ALS2: variants seen among roughly 807,000 people sequenced by gnomAD.
The protein encoded by ALS2 is alsin.
ALS2 carries 117 observed loss-of-function variants against 203.4 expected under a neutral mutation model. The ratio of observed to expected loss-of-function variants is 0.58; its 90% CI spans 0.50 to 0.67. ALS2 has a LOEUF of 0.67. Ranked by LOEUF, ALS2 falls within the 30% of genes least tolerant of loss-of-function variation. The pLI is 0.00. For missense variants in ALS2, 1,715 were observed against 1,989.4 expected (o/e 0.86, Z 2.62); for synonymous variants, 718 against 725.9 (o/e 0.99, Z 0.17).
chr2:201,726,057 T>G (rs1048659624), intron 19 of ALS2, among the ~76,000 whole-genome samples: 1 of 152,212 alleles, frequency 6.6e-6, no homozygotes, highest in Non-Finnish European at 1.5e-5. Context: ...TGAGATAATA[T>G]AGCACTTGGA....
intron 10 of ALS2, 72 bp from the exon 11 acceptor site, chr2:201,741,926 T>G: frequency 7.6e-7 from 1 of 1,323,018 alleles, no homozygotes; most frequent in Non-Finnish European, 1.1e-6. Context: ...GTGATTATGA[T>G]TATGAATTCC....
Position 201,706,931 on chromosome 2 carries a change from G to A in ALS2, c.4495C>T (p.Arg1499Cys), listed in dbSNP as rs112869526. ...CATTCCCAGTAAATGTCTTCCTCGC[G>A]ATCATTATCCAAAGCATAAAGCATA... ...LFMLYALDND[R>C]EEDIYWECVL... Residue 1499 changes from arginine (R) to cysteine (C), a missense_variant, in exon 29 of 34, where the codon CGC becomes TGC. Arg to Cys is a radical substitution (Grantham distance 180, BLOSUM62 -3). Around this residue, in one of 3 missense-constraint regions of ALS2, gnomAD observed 1,227 missense variants for 1,413.5 expected, o/e 0.87. Coordinates refer to ENST00000264276, the MANE Select transcript of ALS2 (RefSeq NM_020919.4). The A allele has an allele frequency of 3.5e-5, 56 of 1,613,864 alleles. No individual in the cohort carries two copies. The highest frequency in any genetic ancestry group is 5.3e-5 in the African/African-American group (4 of 74,866).
chr2:201,753,487 T>G (rs1693194442), intron 6 of ALS2, among the ~76,000 whole-genome samples: 1 of 152,194 alleles, frequency 6.6e-6, no homozygotes, highest in Non-Finnish European at 1.5e-5. Context: ...ATCATAAAAC[T>G]ACAAATGATT....
chr2:201,729,369 A>G (rs1691402422), intron 13 of ALS2, among the ~76,000 whole-genome samples, 186 bp from the exon 14 acceptor site: 1 of 152,148 alleles, frequency 6.6e-6, no homozygotes, highest in African/African-American at 2.4e-5. Flanking sequence ...TCTACTACAT[A>G]AAAGTACATA....
Position 201,704,475 on chromosome 2 carries a change from A to C in ALS2, c.4817T>G (p.Leu1606Ter). The change falls in exon 32 of 34, where the codon TTA becomes TGA. Residue 1606 changes from leucine (L) to a stop codon, truncating the protein, a stop_gained. Transcript: ENST00000264276. LOFTEE classifies it high-confidence loss of function. ...TTACCTGGCCCGTAGCACCACATAT[A>C]AGAAAACAGGAAACAAGTCATCCAT... is the stretch of plus-strand genomic sequence containing the variant. ...WSMDDLFPVF[L>*]YVVLRARIRN... The C allele has an allele frequency of 6.2e-7, 1 of 1,614,124 alleles. No homozygotes were observed. Among genetic ancestry groups the C allele is most frequent in the Non-Finnish European group, 8.5e-7 (1 of 1,180,010 alleles).
At chr2:201,761,849 A>T (rs1370013987) in intron 3 of ALS2, 31 bp from the exon 4 acceptor site, 1 of 1,610,544 alleles carries the variant, frequency 6.2e-7, no homozygotes, top group Middle Eastern at 1.7e-4. Flanking sequence ...AAAAGAAAAA[A>T]AAAAGGGTTA....
chr2:201,759,962 G>A, intron 4 of ALS2: 1 of 983,484 alleles, frequency 1.0e-6, no homozygotes, highest in East Asian at 1.1e-4. Context: ...ACTTTACCAT[G>A]TGCTACTGAT....
At chr2:201,718,563 C>T (rs1051835430) in intron 23 of ALS2, among the ~76,000 whole-genome samples, 1 of 152,026 alleles carries the variant, frequency 6.6e-6, no homozygotes. Flanking sequence ...GCCCAGCCCT[C>T]AATTTTTAAA....
At position 201,710,026 on chromosome 2, in the gene ALS2, G is replaced by T. The variant is rs769034098; in HGVS notation, c.4135C>A (p.Pro1379Thr). The T allele has an allele frequency of 1.8e-5, 29 of 1,613,902 alleles. No individual in the cohort carries two copies. The highest frequency in any genetic ancestry group is 2.4e-5 in the Non-Finnish European group (28 of 1,179,818). ...ACAAGCCTGCCCAGGGGGTGCAGAG[G>T]AGTGTCACAGGCCTGAGTAGGAAAA... ...RKYLIKACDTPLHPLGRLVET... is the reference protein window; with the variant it reads ...RKYLIKACDTTLHPLGRLVET... The change falls in exon 27 of 34, where the codon CCT becomes ACT. Residue 1379 changes from proline to threonine, a missense_variant. Around this residue, in one of 3 missense-constraint regions of ALS2, gnomAD observed 1,227 missense variants for 1,413.5 expected, o/e 0.87. Coordinates refer to ENST00000264276, the MANE Select transcript of ALS2 (RefSeq NM_020919.4).
chr2:201,741,603 G>C lies in ALS2; in HGVS notation c.2351+71C>G, dbSNP rs761316826. 1.0e-5 allele frequency: 15 copies of C among 1,478,766 alleles called. No individual in the cohort carries two copies. The African/African-American group carries it at 1.8e-4, about 18-fold the overall frequency. The allele number at this position is 1,478,766 out of a possible 1,614,324, so 91.6% of individuals were successfully genotyped here. ...CACTCTCCCTAATCTAGTCTCTTCT[G>C]ATTAAGGAGCTGTTCTCCTTGGCAG... is the stretch of plus-strand genomic sequence containing the variant. On this transcript the variant is annotated intron_variant, in intron 11 of 33. Coordinates refer to ENST00000264276, the MANE Select transcript of ALS2 (RefSeq NM_020919.4).
At chr2:201,757,875 A>G (rs1355392981) in intron 4 of ALS2, 116 bp from the exon 5 acceptor site, 1 of 792,900 alleles carries the variant, frequency 1.3e-6, no homozygotes, top group Non-Finnish European at 2.0e-6. Context: ...CTAAAACGAC[A>G]GAAGTTCTCT....
In ALS2 at chr2:201,707,083, C is replaced by G. The variant is rs368002901; in HGVS notation, c.4404-61G>C. ...TTCATATTAAAATTGAATACAGAAT[C>G]CAAGGTAGAGCTTCAGTTTCAAAAA... On this transcript the variant is annotated intron_variant, in intron 28 of 33. Coordinates refer to ENST00000264276, the MANE Select transcript of ALS2 (RefSeq NM_020919.4). 4.4e-5 allele frequency: 66 copies of G among 1,490,754 alleles called. 2 individuals are homozygous for G. In the African/African-American group the frequency reaches 6.8e-4, roughly 15 times the overall value. The allele number at this position is 1,490,754 out of a possible 1,614,324, so 92.3% of individuals were successfully genotyped here.
At chr2:201,711,244 G>A in intron 25 of ALS2, 136 bp from the exon 26 acceptor site, 1 of 646,458 alleles carries the variant, frequency 1.5e-6, no homozygotes, top group Non-Finnish European at 2.8e-6. Flanking sequence ...AACGAACTCA[G>A]AAATCATCAC....
chr2:201,775,760 G>C (rs1694627961), intron 1 of ALS2, among the ~76,000 whole-genome samples: 1 of 152,084 alleles, frequency 6.6e-6, no homozygotes, highest in African/African-American at 2.4e-5. Flanking sequence ...TTCAAATCTT[G>C]ACTCAGAGTA....
In ALS2 at chr2:201,707,809, T is replaced by C. The variant is rs543271542; in HGVS notation, c.4403+60A>G. 60 of 1,594,280 alleles carry C rather than the reference T, an allele frequency of 3.8e-5. No homozygotes were observed. The South Asian group carries it at 6.6e-4, about 18-fold the overall frequency. On this transcript the variant is annotated intron_variant, in intron 28 of 33. Transcript: ENST00000264276. Reference sequence around the variant, plus strand: ...AACACACTTTCTCGCTGGGACTCTTTGAGTAAGATCATCTAGTCACCATTC... The same window carrying C: ...AACACACTTTCTCGCTGGGACTCTTCGAGTAAGATCATCTAGTCACCATTC...
At chr2:201,719,968 A>G (rs2105991107) in intron 23 of ALS2, 1 of 243,162 alleles carries the variant, frequency 4.1e-6, no homozygotes, top group East Asian at 1.6e-4. Flanking sequence ...CTGAGTTAGA[A>G]ATTAAAAATT....
Position 201,701,611 on chromosome 2 carries a change from C to G in ALS2, c.*240G>C, listed in dbSNP as rs1689392380. The G allele has an allele frequency of 4.3e-6, 2 of 460,964 alleles. No individual in the cohort carries two copies. The highest frequency in any genetic ancestry group is 7.2e-5 in the Admixed American group (2 of 27,744). The allele number at this position is 460,964 out of a possible 1,614,324, so 28.6% of individuals were successfully genotyped here. A position where few individuals can be genotyped will look rare whatever the true frequency, so the allele number is the denominator to read the frequency against. ...GATAAATGGTATTTTTGGAACTTAT[C>G]ATAGGCCAAGAACTGGTCTAATCTG... is the stretch of plus-strand genomic sequence containing the variant. On this transcript the variant is annotated 3_prime_UTR_variant, in exon 34 of 34. Transcript: ENST00000264276.
intron 25 of ALS2, among the ~76,000 whole-genome samples, chr2:201,715,072 C>T (rs1251757186): frequency 1.3e-5 from 2 of 152,244 alleles, no homozygotes; most frequent in Non-Finnish European, 2.9e-5. Context: ...TAAGGAGCCA[C>T]CAAAGGGGGA....
At position 201,725,417 on chromosome 2, in the gene ALS2, T is replaced by C; in HGVS notation, c.3286A>G (p.Lys1096Glu). 1.2e-6 allele frequency: 2 copies of C among 1,614,134 alleles called. No individual in the cohort carries two copies. Among genetic ancestry groups the C allele is most frequent in the Non-Finnish European group, 1.7e-6 (2 of 1,180,006 alleles). Residue 1096 changes from lysine to glutamate, a missense_variant, in exon 20 of 34, where the codon AAA becomes GAA. By Grantham distance (56) the Lys-to-Glu change is moderately conservative. Around this residue, in one of 3 missense-constraint regions of ALS2, gnomAD observed 1,227 missense variants for 1,413.5 expected, o/e 0.87. Transcript: ENST00000264276. ...CAATGGCCCACATAATGGTCTTCTT[T>C]GTTCATTGCCTTGTTTGGGATTCTG... ...EYRIPNKAMN[K>E]EDHYVGHWKE...
Sources: allele counts gnomAD v4.1 joint callset (sites outside exome capture counted in the v4.1 genomes callset), GRCh38; gene constraint gnomAD v4.1.1; regional missense constraint gnomAD v4.1.1; transcripts MANE v1.5; gene names NCBI Gene and HGNC (gene_info 2026-07-23, HGNC 2026-07-21).